Variants in SAMD4A observed in about 807,000 individuals in gnomAD.
The protein encoded by SAMD4A is protein Smaug homolog 1.
In SAMD4A, 33 loss-of-function variants were observed where a neutral mutation model predicts 81.3. The observed-to-expected ratio is 0.41, with a 90% CI of 0.31 to 0.54. The LOEUF is 0.54. Ranked by LOEUF, SAMD4A falls within the 20% of genes least tolerant of loss-of-function variation. The pLI, the probability that SAMD4A is intolerant of heterozygous loss-of-function variation, is 0.37. For synonymous variants in SAMD4A, 389 were observed against 382.1 expected, an observed-to-expected ratio of 1.02 and a Z score of -0.21; for missense variants, 854 against 951.1, an observed-to-expected ratio of 0.90 and a Z score of 1.34.
rs181831284 is a variant in SAMD4A at position 54,723,972 on chromosome 14, G to T, written c.716-13052G>T. On this transcript the variant is annotated intron_variant, in intron 3 of 12. Transcript: ENST00000554335. ...GTGCTTAGCATATGCCCAACACCAGGCAGATGCTCAGCAAATATTGGATGG... is the reference window on the plus strand; with the variant it reads ...GTGCTTAGCATATGCCCAACACCAGTCAGATGCTCAGCAAATATTGGATGG... Among the ~76,000 whole-genome samples the T allele has an allele frequency of 2.8e-4, 40 of 142,156 alleles. 1 individual carries two copies. The highest frequency in any genetic ancestry group is 2.5e-3 in the Admixed American group (35 of 14,094). 93.3% of individuals were successfully genotyped at this position (142,156 alleles called of 152,430 possible).
chr14:54,641,354 G>T (rs569327321), intron 2 of SAMD4A, among the ~76,000 whole-genome samples: 43 of 152,290 alleles, frequency 2.8e-4, no homozygotes, highest in Non-Finnish European at 4.4e-4. Flanking sequence ...TACTTTTGGT[G>T]CTATGAGTAT....
intron 3 of SAMD4A, among the ~76,000 whole-genome samples, chr14:54,731,937 C>T (rs1212958336): frequency 1.3e-5 from 2 of 152,122 alleles, no homozygotes; most frequent in East Asian, 1.9e-4. Context: ...AAATGCTAAG[C>T]CTGGAAATAG....
At chr14:54,701,998 G>A in intron 2 of SAMD4A, 64 bp from the exon 3 acceptor site, 1 of 1,522,248 alleles carries the variant, frequency 6.6e-7, no homozygotes, top group Non-Finnish European at 9.0e-7. Flanking sequence ...ATTCTCTTTA[G>A]AGTATCTGTT....
chr14:54,638,613 GA>G (rs1237974358), intron 2 of SAMD4A, among the ~76,000 whole-genome samples: 3 of 152,140 alleles, frequency 2.0e-5, no homozygotes, highest in African/African-American at 7.2e-5. Context: ...AATCAACAAG[GA>G]ACAAGATTTG....
chr14:54,709,596 A>AT (rs959844781), intron 3 of SAMD4A, among the ~76,000 whole-genome samples: 3 of 152,020 alleles, frequency 2.0e-5, no homozygotes, highest in Non-Finnish European at 2.9e-5. Context: ...AGAAGAATGT[A>AT]TTTTTTTAGC....
At chr14:54,628,959 G>A (rs1048652740) in intron 2 of SAMD4A, among the ~76,000 whole-genome samples, 6 of 151,954 alleles carry the variant, frequency 3.9e-5, no homozygotes, top group African/African-American at 1.5e-4. Context: ...ATTGTGTCCT[G>A]CCTCCCCCAG....
chr14:54,734,656 C>T (rs1343640655), intron 3 of SAMD4A, among the ~76,000 whole-genome samples: 2 of 152,182 alleles, frequency 1.3e-5, no homozygotes, highest in South Asian at 2.1e-4. Flanking sequence ...GGATAACTGA[C>T]AGCTTCCCCA....
chr14:54,709,612 G>A (rs2036940348), intron 3 of SAMD4A, among the ~76,000 whole-genome samples: 1 of 152,050 alleles, frequency 6.6e-6, no homozygotes, highest in Admixed American at 6.5e-5. Context: ...TTAGCACCTT[G>A]TTCTAGTAAG....
intron 2 of SAMD4A, among the ~76,000 whole-genome samples, chr14:54,626,057 T>C (rs796815331): frequency 0.11 from 10,988 of 104,514 alleles, 469 homozygotes; most frequent in East Asian, 0.21. Context: ...TGTGTGTGTG[T>C]GTGCGCGCGC....
chr14:54,767,536 C>T lies in SAMD4A; in HGVS notation c.1597-2568C>T, dbSNP rs567385757. 7.2e-5 allele frequency among the ~76,000 whole-genome samples: 11 copies of T among 152,334 alleles called. No individual in the cohort carries two copies. The South Asian group carries it at 1.2e-3, about 17-fold the overall frequency. ...AGATGAGCTCTTGCCGCTTTATGAACCTTTTCATCCAGCCACATATGCTGG... is the reference window on the plus strand; with the variant it reads ...AGATGAGCTCTTGCCGCTTTATGAATCTTTTCATCCAGCCACATATGCTGG... On this transcript the variant is annotated intron_variant, in intron 8 of 12. Transcript: ENST00000554335.
intron 3 of SAMD4A, among the ~76,000 whole-genome samples, chr14:54,728,665 T>A (rs545528547): frequency 1.3e-5 from 2 of 152,326 alleles, no homozygotes; most frequent in African/African-American, 4.8e-5. Flanking sequence ...GCTGAGAATC[T>A]GCTGTTCTCC....
upstream of SAMD4A, among the ~76,000 whole-genome samples, chr14:54,566,740 G>T (rs1477556616): frequency 6.6e-6 from 1 of 151,848 alleles, no homozygotes; most frequent in East Asian, 1.9e-4. Flanking sequence ...CAGGATGCCT[G>T]CCACACACGC....
intron 2 of SAMD4A, among the ~76,000 whole-genome samples, chr14:54,597,918 T>C (rs965074807): frequency 6.6e-6 from 1 of 152,194 alleles, no homozygotes; most frequent in Non-Finnish European, 1.5e-5. Flanking sequence ...ACATTGCTTC[T>C]GCCTGGTCCT....
chr14:54,784,553 G>A lies in SAMD4A; in HGVS notation c.2061G>A (p.Val687=). Reference sequence around the variant, plus strand: ...CGCCTGCAGAATTCCAGCTTCCCGTGACCGAACCTGACATCAACAACAGGC... The same window carrying A: ...CGCCTGCAGAATTCCAGCTTCCCGTAACCGAACCTGACATCAACAACAGGC... ...MFQQPEFQLP[V]TEPDINNRLE... The change falls in exon 12 of 13, where the codon GTG becomes GTA. Residue 687 remains valine, a synonymous_variant. Coordinates refer to ENST00000554335, the MANE Select transcript of SAMD4A (RefSeq NM_015589.6). 1 of 1,614,134 alleles carries A rather than the reference G, an allele frequency of 6.2e-7. No individual in the cohort carries two copies. The highest frequency in any genetic ancestry group is 1.1e-5 in the South Asian group (1 of 91,060).
intron 2 of SAMD4A, among the ~76,000 whole-genome samples, chr14:54,684,688 TGTTA>T (rs2036215658): frequency 7.2e-6 from 1 of 138,736 alleles, no homozygotes; most frequent in Non-Finnish European, 1.5e-5. Context: ...CAGATGCTGT[TGTTA>T]GTTTCACTTC....
chr14:54,628,422 T>A, intron 2 of SAMD4A, among the ~76,000 whole-genome samples: 1 of 152,062 alleles, frequency 6.6e-6, no homozygotes, highest in Non-Finnish European at 1.5e-5. Flanking sequence ...TGAAGAATAT[T>A]TACTGCAGCA....
chr14:54,775,128 G>C lies in SAMD4A; in HGVS notation c.1910G>C (p.Gly637Ala), dbSNP rs1264468459. 2 of 1,614,194 alleles carry C rather than the reference G, an allele frequency of 1.2e-6. No individual in the cohort carries two copies. The highest frequency in any genetic ancestry group is 1.1e-5 in the South Asian group (1 of 91,082). The change falls in exon 10 of 13, where the codon GGA becomes GCA. Residue 637 changes from glycine (G) to alanine (A), a missense_variant. This residue lies in a region of SAMD4A where 428 missense variants were observed against 471.2 expected (regional missense o/e 0.91). Coordinates refer to ENST00000554335, the MANE Select transcript of SAMD4A (RefSeq NM_015589.6). ...TTATPTIMKQ[G>A]RQNLWFANPG... ...GCTACCCCCACCATCATGAAACAAG[G>C]AAGACAGGTTTGTTCTGCCCCAAGG...
intron 8 of SAMD4A, among the ~76,000 whole-genome samples, chr14:54,767,187 T>C (rs2038570280): frequency 6.6e-6 from 1 of 152,214 alleles, no homozygotes; most frequent in Non-Finnish European, 1.5e-5. Flanking sequence ...CCGGTTATTC[T>C]GTGTGGGTAG....
At chr14:54,672,366 A>G (rs1450116737) in intron 2 of SAMD4A, among the ~76,000 whole-genome samples, 1 of 151,986 alleles carries the variant, frequency 6.6e-6, no homozygotes, top group Non-Finnish European at 1.5e-5. Flanking sequence ...ATTAAAACCA[A>G]CCGTGGGAGA....
Sources: gnomAD v4.1 joint callset for allele counts (sites outside exome capture counted in the v4.1 genomes callset) on GRCh38, gnomAD v4.1.1 for gene constraint, gnomAD v4.1.1 regional missense constraint, MANE v1.5 for transcripts, NCBI Gene and HGNC (gene_info 2026-07-23, HGNC 2026-07-21) for gene names.